PNMA6E: variants seen among roughly 807,000 people sequenced by gnomAD.
PNMA6E encodes the protein paraneoplastic antigen Ma6E.
For synonymous variants in PNMA6E, 43 were observed against 17.1 expected (o/e 2.52, Z -3.74); for missense variants, 78 against 50.8 (o/e 1.53, Z -1.63).
intron 1 of PNMA6E, 71 bp from the exon 2 acceptor site, chrX:153,398,991 G>T (rs1011181109): frequency 4.4e-5 from 13 of 293,621 alleles, no homozygotes; most frequent in Non-Finnish European, 7.1e-5. Flanking sequence ...CCCTACGTGT[G>T]TGGGGGTGAG....
chrX:153,409,939 T>C, the PNMA6E span, among the ~76,000 whole-genome samples: 27 of 112,525 alleles, frequency 2.4e-4, no homozygotes, highest in South Asian at 7.3e-4. Flanking sequence ...CCTGCCTCCA[T>C]GGCCCAGGAG....
At chrX:153,410,276 C>A in the PNMA6E span, among the ~76,000 whole-genome samples, 1 of 111,872 alleles carries the variant, frequency 8.9e-6, no homozygotes, top group African/African-American at 3.3e-5. Flanking sequence ...AATTTAATGA[C>A]ATCTGCAGAC....
upstream of PNMA6E, among the ~76,000 whole-genome samples, chrX:153,405,449 C>T (rs782589095): frequency 1.1e-4 from 12 of 111,439 alleles, no homozygotes; most frequent in South Asian, 7.7e-4. Flanking sequence ...AACTGGCAAG[C>T]GTGGCTTCTC....
At chrX:153,402,621 A>G (rs782621831), upstream of PNMA6E, among the ~76,000 whole-genome samples, 2 of 112,547 alleles carry the variant, frequency 1.8e-5, no homozygotes, top group East Asian at 2.8e-4. Flanking sequence ...CTTGATATTT[A>G]CCCACATATT....
the PNMA6E span, among the ~76,000 whole-genome samples, chrX:153,408,448 G>A: frequency 8.9e-6 from 1 of 112,462 alleles, no homozygotes; most frequent in Non-Finnish European, 1.9e-5. Context: ...GGGGTCGCAG[G>A]GTTGGACAAA....
chrX:153,401,906 C>G (rs1229853004), upstream of PNMA6E, among the ~76,000 whole-genome samples: 1 of 97,532 alleles, frequency 1.0e-5, no homozygotes, highest in Non-Finnish European at 2.0e-5. Flanking sequence ...CTCACTGCAA[C>G]CTCCGCCTCC....
At position 153,397,529 on chromosome X, in the gene PNMA6E, C is replaced by T. The variant is rs2088817407; in HGVS notation, c.1321G>A (p.Ala441Thr). ...GLLQRAVEKG[A>T]VCPALANYLR... ...TAATTGGCCAAGGCTGGGCAGACGG[C>T]CCCCTTCTCCACAGCCCTCTGCAGC... Residue 441 changes from alanine (A) to threonine (T), a missense_variant, in exon 2 of 2, where the codon GCC becomes ACC. Ala to Thr is a moderately conservative substitution (Grantham distance 58). Transcript: ENST00000445091. 4 of 297,634 alleles carry T rather than the reference C, an allele frequency of 1.3e-5. No homozygotes were observed. Among genetic ancestry groups the T allele is most frequent in the Non-Finnish European group, 5.9e-6 (1 of 170,534 alleles). The allele number at this position is 297,634 out of a possible 1,213,427, so 24.5% of individuals were successfully genotyped here. A position where few individuals can be genotyped will look rare whatever the true frequency, so the allele number is the denominator to read the frequency against.
At position 153,397,727 on chromosome X, in the gene PNMA6E, C is replaced by T. The variant is rs1005321249; in HGVS notation, c.1123G>A (p.Val375Met). The change falls in exon 2 of 2, where the codon GTG becomes ATG. Residue 375 changes from valine to methionine, a missense_variant. Val to Met is a conservative substitution (Grantham distance 21, BLOSUM62 1). Transcript: ENST00000445091. ...ESLGGPALEV[V>M]SGLLEEDTNL... ...GTATCTTCCTCCAGGAGGCCGCTCA[C>T]GACTTCCAGGGCCGGGCCGCCCAAG... 1.3e-5 allele frequency: 4 copies of T among 305,819 alleles called. No individual in the cohort carries two copies. The highest frequency in any genetic ancestry group is 5.4e-5 in the African/African-American group (2 of 36,927). 25.2% of individuals were successfully genotyped at this position (305,819 alleles called of 1,213,427 possible).
the PNMA6E span, among the ~76,000 whole-genome samples, chrX:153,406,552 G>A: frequency 8.9e-6 from 1 of 112,814 alleles, no homozygotes; most frequent in African/African-American, 3.2e-5. Context: ...TGACTGCAGG[G>A]TTGGGGATGC....
At chrX:153,411,301 G>C in the PNMA6E span, among the ~76,000 whole-genome samples, 2 of 112,931 alleles carry the variant, frequency 1.8e-5, no homozygotes, top group African/African-American at 3.2e-5. Context: ...TTCGACCCCA[G>C]CCTTCAGAGC....
chrX:153,407,349 T>C, the PNMA6E span, among the ~76,000 whole-genome samples: 1 of 110,843 alleles, frequency 9.0e-6, no homozygotes, highest in East Asian at 2.9e-4. Flanking sequence ...CAGCAGCCAT[T>C]CCCCCTCTTT....
chrX:153,406,669 G>A, the PNMA6E span, among the ~76,000 whole-genome samples: 5 of 113,007 alleles, frequency 4.4e-5, no homozygotes, highest in African/African-American at 6.4e-5. Flanking sequence ...TGTGAAGCCA[G>A]TGCTGCACAT....
chrX:153,403,985 T>C (rs2088865683), upstream of PNMA6E: 1 of 104,025 alleles, frequency 9.6e-6, no homozygotes, highest in African/African-American at 3.5e-5. Flanking sequence ...ATGCTTCTTT[T>C]TTTTTTTTTT....
upstream of PNMA6E, chrX:153,401,416 G>C (rs2088851427): frequency 8.9e-6 from 1 of 112,134 alleles, no homozygotes; most frequent in Non-Finnish European, 1.9e-5. Context: ...TCTCCCGGAA[G>C]CCACAGGGAG....
chrX:153,402,738 G>A (rs1371723222), upstream of PNMA6E, among the ~76,000 whole-genome samples: 4 of 106,605 alleles, frequency 3.8e-5, no homozygotes, highest in Non-Finnish European at 7.7e-5. Context: ...AATTCTCTTA[G>A]CTTTCATGTA....
At chrX:153,400,696 C>T (rs1301237620) in intron 1 of PNMA6E, among the ~76,000 whole-genome samples, 1 of 110,362 alleles carries the variant, frequency 9.1e-6, no homozygotes, top group African/African-American at 3.3e-5. Context: ...ACCACGGCAC[C>T]CGCCAGGGGC....
At chrX:153,401,662 G>A (rs1311179734), upstream of PNMA6E, among the ~76,000 whole-genome samples, 5 of 111,915 alleles carry the variant, frequency 4.5e-5, no homozygotes, top group African/African-American at 1.6e-4. Context: ...AGTTCATTGC[G>A]GTAAATCGGT....
chrX:153,401,070 G>A (rs952953433), intron 1 of PNMA6E, among the ~76,000 whole-genome samples, 174 bp downstream of exon 1: 4 of 107,615 alleles, frequency 3.7e-5, no homozygotes, highest in East Asian at 3.0e-4. Context: ...CAGCCACGCC[G>A]CACCTAAACC....
chrX:153,410,241 G>C, the PNMA6E span, among the ~76,000 whole-genome samples: 2 of 111,434 alleles, frequency 1.8e-5, no homozygotes, highest in Non-Finnish European at 3.8e-5. Context: ...TGGATCATCT[G>C]GGTTGCTCTC....
Sources: allele counts gnomAD v4.1 joint callset (sites outside exome capture counted in the v4.1 genomes callset), GRCh38; gene constraint gnomAD v4.1.1; transcripts MANE v1.5; gene names NCBI Gene and HGNC (gene_info 2026-07-23, HGNC 2026-07-21).